Variants in TSHR observed in about 807,000 individuals in gnomAD.
TSHR encodes thyroid stimulating hormone receptor.
TSHR carries 51 observed loss-of-function variants against 64.1 expected under a neutral mutation model. The observed-to-expected ratio is 0.80, with a 90% confidence interval of 0.64 to 1.01. TSHR has a LOEUF of 1.01. TSHR is among the 50% of genes least tolerant of loss of function. The probability of loss-of-function intolerance (pLI) is 0.00; values close to 1 mark genes in which losing one functional copy is unlikely to be tolerated. For missense variants in TSHR, 877 were observed against 942.8 expected (o/e 0.93, Z 0.91); for synonymous variants, 361 against 361.9 (o/e 1.00, Z 0.03).
chr14:81,027,770 A>G (rs1157267612), intron 1 of TSHR, among the ~76,000 whole-genome samples: 3 of 152,202 alleles, frequency 2.0e-5, no homozygotes, highest in Non-Finnish European at 4.4e-5. Flanking sequence ...ATTTAAAACT[A>G]AGGTTAAAAT....
At chr14:81,102,332 C>T (rs1889645230) in intron 7 of TSHR, among the ~76,000 whole-genome samples, 1 of 152,054 alleles carries the variant, frequency 6.6e-6, no homozygotes, top group Non-Finnish European at 1.5e-5. Context: ...GATATTCTGT[C>T]AGTGACAATG....
At chr14:80,993,956 T>C (rs941931838) in intron 1 of TSHR, 2 of 152,080 alleles carry the variant, frequency 1.3e-5, no homozygotes, top group Non-Finnish European at 2.9e-5. Context: ...TCAATAAAAG[T>C]AACACTGAGT....
chr14:81,057,881 T>C (rs1885938821), intron 1 of TSHR, among the ~76,000 whole-genome samples: 2 of 152,240 alleles, frequency 1.3e-5, no homozygotes, highest in African/African-American at 2.4e-5. Flanking sequence ...GTAGGGGCTA[T>C]AGTGAGAAAT....
chr14:81,004,057 G>A (rs576977512), intron 1 of TSHR, among the ~76,000 whole-genome samples: 24 of 152,240 alleles, frequency 1.6e-4, no homozygotes, highest in Middle Eastern at 3.4e-3. Context: ...ACATGTTTAT[G>A]TACATCTGTG....
chr14:81,002,636 C>T, intron 1 of TSHR, among the ~76,000 whole-genome samples: 1 of 152,110 alleles, frequency 6.6e-6, no homozygotes, highest in East Asian at 1.9e-4. Context: ...AGTTAACCCT[C>T]TATCCATTTT....
In TSHR at chr14:81,146,000, C is replaced by A. The variant is rs2140117277; in HGVS notation, c.*1647C>A. 4.3e-6 allele frequency: 1 copy of A among 231,926 alleles called. No individual in the cohort carries two copies. Among genetic ancestry groups the A allele is most frequent in the Non-Finnish European group, 8.5e-6 (1 of 117,220 alleles). The allele number at this position is 231,926 out of a possible 1,614,324, so 14.4% of individuals were successfully genotyped here. A position where few individuals can be genotyped will look rare whatever the true frequency, so the allele number is the denominator to read the frequency against. On this transcript the variant is annotated 3_prime_UTR_variant, in exon 10 of 10. Transcript: ENST00000298171. ...CACCTGGAATCTCTCCACAGCCATA[C>A]CCACTCATCACTATCATTGAGACCT... is the stretch of plus-strand genomic sequence containing the variant.
intron 1 of TSHR, among the ~76,000 whole-genome samples, chr14:81,026,679 T>TA (rs1259660308): frequency 2.6e-5 from 4 of 152,168 alleles, no homozygotes; most frequent in African/African-American, 9.6e-5. Flanking sequence ...TAAAAAATGT[T>TA]AAAAAAGGTA....
At chr14:81,028,009 A>G (rs1054104938) in intron 1 of TSHR, among the ~76,000 whole-genome samples, 1 of 152,174 alleles carries the variant, frequency 6.6e-6, no homozygotes, top group African/African-American at 2.4e-5. Flanking sequence ...AGAAAAGAAA[A>G]GCAAGAAGAT....
chr14:81,138,177 G>A (rs866568957), intron 8 of TSHR, among the ~76,000 whole-genome samples: 10 of 149,764 alleles, frequency 6.7e-5, no homozygotes, highest in African/African-American at 2.2e-4. Flanking sequence ...AGGAACAAGC[G>A]CCAAGGGTAA....
At chr14:81,054,963 A>G (rs894281524) in intron 1 of TSHR, among the ~76,000 whole-genome samples, 1 of 152,194 alleles carries the variant, frequency 6.6e-6, no homozygotes, top group Non-Finnish European at 1.5e-5. Context: ...AATCCCCAAG[A>G]CAATGGGAAA....
chr14:81,003,547 G>T, intron 1 of TSHR: 1 of 222,662 alleles, frequency 4.5e-6, no homozygotes, highest in Non-Finnish European at 9.5e-6. Context: ...TGATGGCCTG[G>T]GCAGTTTCAC....
intron 1 of TSHR, among the ~76,000 whole-genome samples, chr14:81,021,030 C>A (rs985984081): frequency 6.6e-6 from 1 of 151,948 alleles, no homozygotes; most frequent in Non-Finnish European, 1.5e-5. Flanking sequence ...GGAAAACAAG[C>A]TCGGGGCTCC....
chr14:81,083,468 TAAA>T (rs10604790), intron 3 of TSHR, among the ~76,000 whole-genome samples: 18 of 144,662 alleles, frequency 1.2e-4, no homozygotes, highest in Admixed American at 3.5e-4. Flanking sequence ...AAACCTCATT[TAAA>T]AAAAAAAAAA....
At chr14:80,962,011 A>G (rs1175046263) in intron 1 of TSHR, among the ~76,000 whole-genome samples, 1 of 152,152 alleles carries the variant, frequency 6.6e-6, no homozygotes, top group Non-Finnish European at 1.5e-5. Flanking sequence ...TTAGATTGCC[A>G]AACTCTGGAG....
At chr14:80,977,120 G>A (rs1476348436) in intron 1 of TSHR, among the ~76,000 whole-genome samples, 3 of 152,234 alleles carry the variant, frequency 2.0e-5, no homozygotes, top group African/African-American at 2.4e-5. Context: ...CTCCTCCTCT[G>A]TGAAGTGTGT....
intron 1 of TSHR, among the ~76,000 whole-genome samples, chr14:80,963,494 A>G (rs1377637926): frequency 6.6e-6 from 1 of 152,238 alleles, no homozygotes; most frequent in East Asian, 1.9e-4. Flanking sequence ...AAAACATTAA[A>G]CAACTATTAA....
At chr14:81,115,287 A>G (rs1383160295) in intron 8 of TSHR, among the ~76,000 whole-genome samples, 1 of 151,770 alleles carries the variant, frequency 6.6e-6, no homozygotes, top group Non-Finnish European at 1.5e-5. Flanking sequence ...TTTGAAAAAA[A>G]TTTAGAAGAA....
chr14:80,986,581 G>A (rs1474723487), intron 1 of TSHR, among the ~76,000 whole-genome samples: 1 of 151,954 alleles, frequency 6.6e-6, no homozygotes, highest in East Asian at 1.9e-4. Context: ...CTCCCTCCTG[G>A]GTCCAGGCGA....
At position 81,042,180 on chromosome 14, in the gene TSHR, C is replaced by T. The variant is rs191787296; in HGVS notation, c.171-19968C>T. ...ATAGATGTGGAGAAAAGAGAACTCT[C>T]ATACACTTTTGGTGGTAAATTAGGA... On this transcript the variant is annotated intron_variant, in intron 1 of 9. Transcript: ENST00000298171. Among the ~76,000 whole-genome samples, 194 of 152,240 alleles carry T rather than the reference C, an allele frequency of 1.3e-3. 1 individual carries two copies. The highest frequency in any genetic ancestry group is 4.6e-3 in the African/African-American group (191 of 41,544).
Sources: gnomAD v4.1 joint callset for allele counts (sites outside exome capture counted in the v4.1 genomes callset) on GRCh38, gnomAD v4.1.1 for gene constraint, MANE v1.5 for transcripts, NCBI Gene and HGNC (gene_info 2026-07-23, HGNC 2026-07-21) for gene names.